Variants in SYNE1 observed in about 807,000 individuals in gnomAD.
SYNE1 encodes the protein nesprin-1.
SYNE1 carries 616 observed loss-of-function variants against 1,111.0 expected under a neutral mutation model. The observed-to-expected ratio is 0.55, with a 90% CI of 0.52 to 0.59. SYNE1 has a LOEUF of 0.59. Ranked by LOEUF, SYNE1 falls within the 20% of genes least tolerant of loss-of-function variation. The pLI is 0.00. For missense variants in SYNE1, 10,006 were observed against 10,417.0 expected, an observed-to-expected ratio of 0.96 and a Z score of 1.72; for synonymous variants, 3,855 against 3,825.8, an observed-to-expected ratio of 1.01 and a Z score of -0.28.
chr6:152,288,027 C>G (rs1251267915), intron 95 of SYNE1, among the ~76,000 whole-genome samples: 1 of 152,184 alleles, frequency 6.6e-6, no homozygotes, highest in Admixed American at 6.5e-5. Flanking sequence ...TCCATTATTT[C>G]ATAATAATGT....
rs1015811936 is a variant in SYNE1 at position 152,350,554 on chromosome 6, A to T, written c.11733+64T>A. 2.5e-5 allele frequency: 40 copies of T among 1,605,314 alleles called. No individual in the cohort carries two copies. The Admixed American group carries it at 3.7e-4, about 15-fold the overall frequency. On this transcript the variant is annotated intron_variant, in intron 71 of 145. Transcript: ENST00000367255. ...GGCCTTAAAATTACATGACAGAGAG[A>T]AAGGAGTCAGGGCCCACATTTTGGA...
At chr6:152,363,017 A>T (rs1020006186) in intron 63 of SYNE1, among the ~76,000 whole-genome samples, 1 of 150,876 alleles carries the variant, frequency 6.6e-6, no homozygotes, top group African/African-American at 2.4e-5. Flanking sequence ...AGTAGCTGGG[A>T]CTACATGCCC....
chr6:152,263,466 C>T (rs1465537280), intron 100 of SYNE1, among the ~76,000 whole-genome samples: 1 of 151,902 alleles, frequency 6.6e-6, no homozygotes, highest in East Asian at 1.9e-4. Flanking sequence ...TCACAGCTCA[C>T]TGTACACTCA....
intron 98 of SYNE1, among the ~76,000 whole-genome samples, chr6:152,275,602 G>A (rs1052387132): frequency 3.9e-5 from 6 of 151,954 alleles, no homozygotes; most frequent in African/African-American, 1.5e-4. Context: ...TAGACTGGCC[G>A]GGCATGGTAG....
chr6:152,252,357 TTTCA>T (rs1487935838), intron 104 of SYNE1, among the ~76,000 whole-genome samples: 1 of 152,166 alleles, frequency 6.6e-6, no homozygotes, highest in Non-Finnish European at 1.5e-5. Flanking sequence ...TAAAGAATTC[TTTCA>T]TTCATTTTCC....
chr6:152,636,019 A>G (rs767698805), intron 2 of SYNE1, among the ~76,000 whole-genome samples: 10 of 152,052 alleles, frequency 6.6e-5, no homozygotes, highest in Non-Finnish European at 1.3e-4. Flanking sequence ...GTGCACCACC[A>G]TTTCCCAGAA....
In SYNE1 at chr6:152,207,992, T is replaced by C. The variant is rs751496819; in HGVS notation, c.22804A>G (p.Thr7602Ala). The change falls in exon 125 of 146, where the codon ACC (threonine) becomes GCC (alanine). Residue 7602 changes from threonine to alanine, a missense_variant. Physicochemically the swap from Thr to Ala is moderately conservative, Grantham distance 58. Around this residue, in one of 7 missense-constraint regions of SYNE1, gnomAD observed 2,182 missense variants for 2,287.8 expected, o/e 0.95. Coordinates refer to ENST00000367255, the MANE Select transcript of SYNE1 (RefSeq NM_182961.4). ...SVPIPLQQAR[T>A]LFDEVQFKEK... ...CTTACCTGCACTTCATCAAAGAGGG[T>C]CCTTGCTTGTTGCAGTGGTATAGGA... is the stretch of plus-strand genomic sequence containing the variant. The C allele has an allele frequency of 2.5e-6, 4 of 1,614,084 alleles. No individual in the cohort carries two copies. The highest frequency in any genetic ancestry group is 3.4e-6 in the Non-Finnish European group (4 of 1,180,012).
At chr6:152,247,293 G>A (rs774508436) in intron 105 of SYNE1, among the ~76,000 whole-genome samples, 3 of 152,064 alleles carry the variant, frequency 2.0e-5, no homozygotes, top group East Asian at 1.9e-4. Context: ...GAATTAGCAC[G>A]TTCATTAGTT....
At chr6:152,312,409 A>C (rs1225622640) in intron 87 of SYNE1, among the ~76,000 whole-genome samples, 3 of 150,518 alleles carry the variant, frequency 2.0e-5, no homozygotes, top group Non-Finnish European at 4.4e-5. Context: ...GGGTTTCTCC[A>C]TGTTGGTCAG....
chr6:152,510,103 T>C (rs920043284), intron 8 of SYNE1, 90 bp downstream of exon 8: 3 of 1,309,762 alleles, frequency 2.3e-6, no homozygotes, highest in African/African-American at 2.9e-5. Context: ...CAAATGTCTC[T>C]TCACATTTCG....
chr6:152,435,824 T>C, intron 33 of SYNE1, 117 bp downstream of exon 33: 1 of 1,295,810 alleles, frequency 7.7e-7, no homozygotes, highest in Admixed American at 2.0e-5. Flanking sequence ...CCTCAAAACA[T>C]GCTGAAATAC....
chr6:152,131,214 T>C (rs2055517366), intron 144 of SYNE1, among the ~76,000 whole-genome samples: 1 of 152,050 alleles, frequency 6.6e-6, no homozygotes, highest in African/African-American at 2.4e-5. Context: ...TTGGTCTTTG[T>C]AGTGATGAAG....
rs5880975 is a variant in SYNE1 at position 152,414,009 on chromosome 6, CTT to C, written c.6051-480_6051-479del. ...GAATATATATATATATATATATATA[CTT>C]TTTTTTTTTAAACTTAAATTACCTA... is the stretch of plus-strand genomic sequence containing the variant. On this transcript the variant is annotated intron_variant, in intron 41 of 145. Transcript: ENST00000367255. 1.7e-3 allele frequency among the ~76,000 whole-genome samples: 231 copies of C among 139,692 alleles called. 1 individual carries two copies. Among genetic ancestry groups the C allele is most frequent in the African/African-American group, 4.9e-3 (189 of 38,730 alleles). 91.6% of individuals were successfully genotyped at this position (139,692 alleles called of 152,430 possible). A position where few individuals can be genotyped will look rare whatever the true frequency, so the allele number is the denominator to read the frequency against.
At chr6:152,588,577 G>T (rs1000067445) in intron 3 of SYNE1, among the ~76,000 whole-genome samples, 2 of 152,186 alleles carry the variant, frequency 1.3e-5, no homozygotes, top group Non-Finnish European at 2.9e-5. Context: ...AATCCTCTCA[G>T]CAGGTCAAGC....
At chr6:152,619,759 C>T (rs946201222) in intron 3 of SYNE1, among the ~76,000 whole-genome samples, 2 of 151,974 alleles carry the variant, frequency 1.3e-5, no homozygotes, top group Admixed American at 6.6e-5. Context: ...AAGATGGTAC[C>T]GACAGGAGAA....
chr6:152,281,644 T>C (rs772504164), intron 97 of SYNE1, among the ~76,000 whole-genome samples, 163 bp downstream of exon 97: 4 of 152,236 alleles, frequency 2.6e-5, no homozygotes, highest in Non-Finnish European at 4.4e-5. Flanking sequence ...TGGATTTCAT[T>C]TAAGCTTTTA....
At chr6:152,237,783 A>G (rs1162511328) in intron 108 of SYNE1, among the ~76,000 whole-genome samples, 1 of 152,226 alleles carries the variant, frequency 6.6e-6, no homozygotes, top group Non-Finnish European at 1.5e-5. Flanking sequence ...ATACCACATC[A>G]CTTATTCCTA....
At chr6:152,243,127 T>C (rs574803474) in intron 106 of SYNE1, among the ~76,000 whole-genome samples, 2 of 152,220 alleles carry the variant, frequency 1.3e-5, no homozygotes, top group Non-Finnish European at 2.9e-5. Flanking sequence ...TATGATAAGA[T>C]GTGGGGTAAA....
chr6:152,278,120 C>G lies in SYNE1; in HGVS notation c.18542G>C (p.Arg6181Thr), dbSNP rs1307634093. 6.2e-7 allele frequency: 1 copy of G among 1,614,086 alleles called. No individual in the cohort carries two copies. Among genetic ancestry groups the G allele is most frequent in the Admixed American group, 1.7e-5 (1 of 60,030 alleles). ...GTTGAGCTGCTTATCATGCAGGGCT[C>G]TCTGCAGCTCCAGCAGGCTCCCCTT... ...RLKGSLLELQ[R>T]ALHDKQLNMQ... is the part of the protein sequence containing the mutation. The change falls in exon 98 of 146, where the codon AGA becomes ACA. Residue 6181 changes from arginine (R) to threonine (T), a missense_variant. By Grantham distance (71) the Arg-to-Thr change is moderately conservative. Coordinates refer to ENST00000367255, the MANE Select transcript of SYNE1 (RefSeq NM_182961.4).
Sources: allele counts gnomAD v4.1 joint callset (sites outside exome capture counted in the v4.1 genomes callset), GRCh38; gene constraint gnomAD v4.1.1; regional missense constraint gnomAD v4.1.1; transcripts MANE v1.5; gene names NCBI Gene and HGNC (gene_info 2026-07-23, HGNC 2026-07-21).